The following ZNF385D variants were observed in gnomAD, a reference collection of about 807,000 sequenced individuals.
The protein encoded by ZNF385D is zinc finger protein 659.
ZNF385D carries 15 observed loss-of-function variants against 35.8 expected under a neutral mutation model. The observed-to-expected ratio is 0.42, with a 90% confidence interval of 0.28 to 0.64. The LOEUF (loss-of-function observed/expected upper bound fraction) is 0.64, where lower values mean the gene tolerates loss of function less well. Among genes scored for constraint, ZNF385D ranks in the 30% least tolerant of loss-of-function variants. The pLI is 0.23. For missense variants in ZNF385D, 474 were observed against 494.6 expected (o/e 0.96, Z 0.39); for synonymous variants, 212 against 186.8 (o/e 1.13, Z -1.10).
At chr3:21,723,581 A>C (rs1004925055) in intron 1 of ZNF385D, among the ~76,000 whole-genome samples, 55 of 152,204 alleles carry the variant, frequency 3.6e-4, no homozygotes, top group African/African-American at 1.3e-3. Flanking sequence ...TAATGAAATA[A>C]AGAAGACAAG....
At chr3:22,174,919 A>T (rs1311572953) in intron 2 of ZNF385D, among the ~76,000 whole-genome samples, 1 of 152,056 alleles carries the variant, frequency 6.6e-6, no homozygotes, top group Admixed American at 6.6e-5. Context: ...ATAAAATTTA[A>T]TGTCTAAATA....
At chr3:22,162,663 A>C (rs1706039758) in intron 3 of ZNF385D, among the ~76,000 whole-genome samples, 1 of 152,122 alleles carries the variant, frequency 6.6e-6, no homozygotes, top group Admixed American at 6.6e-5. Flanking sequence ...TTCTTTCTAT[A>C]ACCTCAGGAT....
chr3:21,696,209 G>C (rs1363164611), intron 1 of ZNF385D, among the ~76,000 whole-genome samples: 2 of 152,200 alleles, frequency 1.3e-5, no homozygotes, highest in African/African-American at 4.8e-5. Context: ...AAAGGTAAAG[G>C]AAGTGGTGGA....
At chr3:21,775,479 T>C (rs1343731052) in intron 3 of ZNF385D, among the ~76,000 whole-genome samples, 4 of 151,902 alleles carry the variant, frequency 2.6e-5, no homozygotes, top group Non-Finnish European at 5.9e-5. Context: ...TATTGCTCTA[T>C]TACTCCAAAA....
intron 3 of ZNF385D, among the ~76,000 whole-genome samples, chr3:22,129,233 G>A (rs1227732316): frequency 6.6e-6 from 1 of 152,104 alleles, no homozygotes; most frequent in Non-Finnish European, 1.5e-5. Context: ...TGGAGGAGTG[G>A]TGACACAAGC....
chr3:22,233,425 G>A (rs1699007128), intron 2 of ZNF385D, among the ~76,000 whole-genome samples: 1 of 152,146 alleles, frequency 6.6e-6, no homozygotes, highest in Admixed American at 6.5e-5. Context: ...CAACAAGTGA[G>A]GAGATTAAAT....
chr3:21,831,225 C>G (rs938884117), intron 3 of ZNF385D, among the ~76,000 whole-genome samples: 1 of 151,952 alleles, frequency 6.6e-6, no homozygotes, highest in Non-Finnish European at 1.5e-5. Context: ...TTCTATCATT[C>G]CCTTCAAAAT....
intron 2 of ZNF385D, among the ~76,000 whole-genome samples, chr3:21,654,762 T>A (rs2066023302): frequency 6.6e-6 from 1 of 151,812 alleles, no homozygotes; most frequent in South Asian, 2.1e-4. Context: ...CTCTGTTAAG[T>A]TGCTATAAAT....
At chr3:22,039,326 A>G (rs1377978074) in intron 3 of ZNF385D, among the ~76,000 whole-genome samples, 2 of 151,194 alleles carry the variant, frequency 1.3e-5, no homozygotes, top group Admixed American at 6.6e-5. Flanking sequence ...TGCTATTCCC[A>G]GAAAATGTCA....
chr3:22,105,159 G>A lies in ZNF385D; in HGVS notation c.325+63658C>T, dbSNP rs927437159. Reference sequence around the variant, plus strand: ...TTTACATACATGTGGCAAGGCTATGGGAAGTAGGCAGAAGGGATATAATCT... The same window carrying A: ...TTTACATACATGTGGCAAGGCTATGAGAAGTAGGCAGAAGGGATATAATCT... On this transcript the variant is annotated intron_variant, in intron 3 of 5. Transcript: ENST00000494108. Among the ~76,000 whole-genome samples the A allele has an allele frequency of 5.3e-5, 8 of 151,984 alleles. No homozygotes were observed. In the South Asian group the frequency reaches 6.2e-4, roughly 12 times the overall value.
rs978296170 is a variant in ZNF385D, at chr3:21,658,362, A to G, written c.165+6524T>C. On this transcript the variant is annotated intron_variant, in intron 2 of 7. Transcript: ENST00000281523. ...CAAATTAAGGAGATGACTCGAGTCT[A>G]TGCTTGCTTTTCTTTCCTAATAAGT... 3.3e-5 allele frequency among the ~76,000 whole-genome samples: 5 copies of G among 152,030 alleles called. No individual in the cohort carries two copies. The East Asian group carries it at 5.8e-4, about 18-fold the overall frequency.
chr3:21,924,135 AG>A (rs1319324047), intron 3 of ZNF385D, among the ~76,000 whole-genome samples: 1 of 152,248 alleles, frequency 6.6e-6, no homozygotes, highest in Non-Finnish European at 1.5e-5. Context: ...GCATTAAAAA[AG>A]TAAGTAGTAA....
chr3:21,586,235 A>C (rs2063807834), intron 2 of ZNF385D, among the ~76,000 whole-genome samples: 1 of 152,150 alleles, frequency 6.6e-6, no homozygotes. Context: ...GTATGTTGGA[A>C]TACAAATATT....
At chr3:22,228,852 A>G (rs903383687) in intron 2 of ZNF385D, among the ~76,000 whole-genome samples, 2 of 152,168 alleles carry the variant, frequency 1.3e-5, no homozygotes, top group Non-Finnish European at 2.9e-5. Context: ...CCCATGTTGG[A>G]TATTTCCTGC....
At chr3:21,583,281 A>G (rs1402056417) in intron 2 of ZNF385D, among the ~76,000 whole-genome samples, 1 of 152,204 alleles carries the variant, frequency 6.6e-6, no homozygotes, top group Non-Finnish European at 1.5e-5. Flanking sequence ...GCACATTGAG[A>G]AACACTGATT....
intron 2 of ZNF385D, among the ~76,000 whole-genome samples, chr3:22,225,904 C>G (rs1698524685): frequency 6.6e-6 from 1 of 152,080 alleles, no homozygotes; most frequent in South Asian, 2.1e-4. Flanking sequence ...TAGTTTAGGT[C>G]AAATTGTTGT....
chr3:21,653,126 C>T (rs1443179510), intron 2 of ZNF385D, among the ~76,000 whole-genome samples: 1 of 152,134 alleles, frequency 6.6e-6, no homozygotes, highest in African/African-American at 2.4e-5. Context: ...TAAAAATACA[C>T]ACACATACAC....
intron 3 of ZNF385D, among the ~76,000 whole-genome samples, chr3:22,112,743 G>A (rs746375626): frequency 1.2e-4 from 18 of 152,038 alleles, no homozygotes; most frequent in Non-Finnish European, 2.2e-4. Context: ...CCATTCTCAG[G>A]AAAGGCTAAA....
chr3:21,619,052 T>C (rs550870867), intron 2 of ZNF385D, among the ~76,000 whole-genome samples: 1 of 152,254 alleles, frequency 6.6e-6, no homozygotes, highest in African/African-American at 2.4e-5. Context: ...TCTTAGATCA[T>C]GCTAATGTTG....
Sources: gnomAD v4.1 joint callset for allele counts (sites outside exome capture counted in the v4.1 genomes callset) on GRCh38, gnomAD v4.1.1 for gene constraint, MANE v1.5 for transcripts, NCBI Gene and HGNC (gene_info 2026-07-23, HGNC 2026-07-21) for gene names.